Variants in LBR observed in about 807,000 individuals in gnomAD.
LBR encodes the protein lamin B receptor.
Under a neutral mutation model 74.3 loss-of-function variants are expected in LBR, and 28 were observed. The ratio of observed to expected loss-of-function variants is 0.38; its 90% confidence interval spans 0.28 to 0.52. The LOEUF (loss-of-function observed/expected upper bound fraction) is 0.52, where lower values mean the gene tolerates loss of function less well. LBR is among the 20% of genes least tolerant of loss of function. The pLI, the probability that LBR is intolerant of heterozygous loss-of-function variation, is 0.89. For missense variants in LBR, 717 were observed against 760.3 expected (o/e 0.94, Z 0.67); for synonymous variants, 228 against 269.3 (o/e 0.85, Z 1.50).
chr1:225,427,935 CG>C lies in LBR; in HGVS notation c.-15+18del, dbSNP rs1281016530. The C allele has an allele frequency of 6.6e-6, 1 of 152,134 alleles. No homozygotes were observed. Among genetic ancestry groups the C allele is most frequent in the Admixed American group, 6.6e-5 (1 of 15,260 alleles). The allele number at this position is 152,134 out of a possible 1,614,324, so 9.4% of individuals were successfully genotyped here. ...GCGCCGCGGGGAGCTGGGAGCAGGG[CG>C]GGGGTGGAAGCACTCACCTGCGCCA... On this transcript the variant is annotated intron_variant, in intron 1 of 13. Coordinates refer to ENST00000272163, the MANE Select transcript of LBR (RefSeq NM_002296.4).
intron 10 of LBR, among the ~76,000 whole-genome samples, chr1:225,408,462 C>T (rs10799306): frequency 0.68 from 103,958 of 152,110 alleles, 38,047 homozygotes; most frequent in East Asian, 0.89. Flanking sequence ...GGGGGAGGAC[C>T]TTAGCCCCAC....
chr1:225,420,197 C>T (rs1409483771), intron 3 of LBR, among the ~76,000 whole-genome samples: 2 of 151,594 alleles, frequency 1.3e-5, no homozygotes, highest in East Asian at 3.9e-4. Context: ...GTAATTCCAG[C>T]TACTTCGGAA....
chr1:225,423,794 A>G, intron 2 of LBR, 117 bp downstream of exon 2: 2 of 954,632 alleles, frequency 2.1e-6, no homozygotes, highest in Admixed American at 1.7e-5. Flanking sequence ...CCAAAGCAAG[A>G]GCTCAATCCT....
intron 1 of LBR, among the ~76,000 whole-genome samples, chr1:225,424,353 G>A (rs370212943): frequency 4.8e-4 from 73 of 152,262 alleles, no homozygotes; most frequent in East Asian, 4.2e-3. Flanking sequence ...CCCACCTACC[G>A]TGATCACAGT....
In LBR at chr1:225,412,648, TTAA is replaced by T; in HGVS notation, c.893-6_893-4del. On this transcript the variant is annotated splice_region_variant and splice_polypyrimidine_tract_variant and intron_variant, in intron 7 of 13. Coordinates refer to ENST00000272163, the MANE Select transcript of LBR (RefSeq NM_002296.4). ...TGTCAGGATAAAAGCATAGAATCCT[TTAA>T]AAAAAAAAAAAAAAGGAAGTGGAAA... 1 of 1,574,502 alleles carries T rather than the reference TTAA, an allele frequency of 6.4e-7. No homozygotes were observed. Among genetic ancestry groups the T allele is most frequent in the Non-Finnish European group, 8.6e-7 (1 of 1,161,306 alleles).
At chr1:225,424,868 T>C (rs2096136069) in intron 1 of LBR, among the ~76,000 whole-genome samples, 1 of 152,244 alleles carries the variant, frequency 6.6e-6, no homozygotes, top group African/African-American at 2.4e-5. Flanking sequence ...GAAATATCAA[T>C]TGATAGCTGG....
intron 2 of LBR, among the ~76,000 whole-genome samples, chr1:225,423,177 T>C (rs1446805656): frequency 1.3e-5 from 2 of 152,218 alleles, no homozygotes; most frequent in African/African-American, 4.8e-5. Context: ...CTATCGAATC[T>C]GATAGTAAAA....
chr1:225,408,859 T>C (rs933358697), intron 10 of LBR, among the ~76,000 whole-genome samples: 2 of 152,192 alleles, frequency 1.3e-5, no homozygotes, highest in Non-Finnish European at 2.9e-5. Flanking sequence ...AATATCAACT[T>C]CTAAGCCAAT....
intron 12 of LBR, 22 bp downstream of exon 12, chr1:225,404,604 A>G: frequency 6.3e-7 from 1 of 1,583,328 alleles, no homozygotes; most frequent in African/African-American, 1.4e-5. Context: ...TATATATAAT[A>G]TAAACATAAA....
intron 7 of LBR, among the ~76,000 whole-genome samples, chr1:225,415,053 T>C (rs1209217651): frequency 6.6e-6 from 1 of 152,192 alleles, no homozygotes; most frequent in African/African-American, 2.4e-5. Flanking sequence ...ATGAGCACTA[T>C]TAAGAAAATA....
At chr1:225,418,689 T>C (rs1243293601) in intron 5 of LBR, among the ~76,000 whole-genome samples, 1 of 152,224 alleles carries the variant, frequency 6.6e-6, no homozygotes, top group African/African-American at 2.4e-5. Context: ...ACAAAGCAAT[T>C]AAGCCATGCA....
At chr1:225,419,916 A>C (rs1332882660) in intron 3 of LBR, 118 bp from the exon 4 acceptor site, 39 of 747,374 alleles carry the variant, frequency 5.2e-5, no homozygotes, top group Non-Finnish European at 8.2e-5. Context: ...CACAGCCTTA[A>C]TTCTGACGAA....
At chr1:225,419,676 A>G in intron 4 of LBR, 39 bp downstream of exon 4, 1 of 1,502,704 alleles carries the variant, frequency 6.7e-7, no homozygotes. Context: ...AAAAAAAGAA[A>G]AAAAAAAACA....
intron 13 of LBR, among the ~76,000 whole-genome samples, chr1:225,403,999 T>C (rs1292349648): frequency 6.8e-6 from 1 of 147,866 alleles, no homozygotes; most frequent in East Asian, 2.1e-4. Context: ...CCCACAGCTC[T>C]CCCTGCTCCC....
At position 225,416,994 on chromosome 1, in the gene LBR, T is replaced by C. The variant is rs867167429; in HGVS notation, c.837+990A>G. The stretch of plus-strand genomic sequence containing the variant: ...TCAAGGGATGACTGCATAATATTAA[T>C]ATATATTTTAATATATATGCTTTTA... On this transcript the variant is annotated intron_variant, in intron 6 of 13. Coordinates refer to ENST00000272163, the MANE Select transcript of LBR (RefSeq NM_002296.4). 2.0e-5 allele frequency among the ~76,000 whole-genome samples: 3 copies of C among 152,244 alleles called. 1 individual carries two copies. In the South Asian group the frequency reaches 6.2e-4, roughly 32 times the overall value.
rs886046050 is a variant in LBR, at chr1:225,402,679, A to C, written c.*624T>G. The C allele has an allele frequency of 6.5e-6, 1 of 152,702 alleles. No homozygotes were observed. Among genetic ancestry groups the C allele is most frequent in the Non-Finnish European group, 1.5e-5 (1 of 68,052 alleles). 9.5% of individuals were successfully genotyped at this position (152,702 alleles called of 1,614,324 possible). On this transcript the variant is annotated 3_prime_UTR_variant, in exon 14 of 14. Coordinates refer to ENST00000272163, the MANE Select transcript of LBR (RefSeq NM_002296.4). ...ATCTGAAGTCACCATATATTACAAA[A>C]AACTAAGCTATGTATTTACATTTTC...
chr1:225,411,834 G>C (rs1021909635), intron 8 of LBR, among the ~76,000 whole-genome samples: 1 of 152,176 alleles, frequency 6.6e-6, no homozygotes. Context: ...TTTTGAGATG[G>C]AGCCTCGCTC....
chr1:225,412,222 C>T (rs2096107395), intron 8 of LBR, among the ~76,000 whole-genome samples: 1 of 152,180 alleles, frequency 6.6e-6, no homozygotes, highest in Admixed American at 6.5e-5. Flanking sequence ...TTACTGTCAT[C>T]AAGCAACTGC....
intron 7 of LBR, among the ~76,000 whole-genome samples, chr1:225,413,427 T>G (rs1348063900): frequency 6.6e-6 from 1 of 152,248 alleles, no homozygotes; most frequent in African/African-American, 2.4e-5. Context: ...TCAAAGGAGC[T>G]GAGTGCCTCA....
Sources: allele counts gnomAD v4.1 joint callset (sites outside exome capture counted in the v4.1 genomes callset), GRCh38; gene constraint gnomAD v4.1.1; transcripts MANE v1.5; gene names NCBI Gene and HGNC (gene_info 2026-07-23, HGNC 2026-07-21).